Variants in TOP1 observed in about 807,000 individuals in gnomAD.
TOP1 encodes DNA topoisomerase I, also known as DNA topoisomerase 1.
A neutral mutation model predicts 111.1 loss-of-function variants in TOP1; 10 were observed. The ratio of observed to expected loss-of-function variants is 0.09; its 90% confidence interval spans 0.06 to 0.15. The LOEUF is 0.15. TOP1 is among the 10% of genes least tolerant of loss of function. The probability of loss-of-function intolerance (pLI) is 1.00; values close to 1 mark genes in which losing one functional copy is unlikely to be tolerated. For missense variants in TOP1, 474 were observed against 926.7 expected, an observed-to-expected ratio of 0.51 and a Z score of 6.34; for synonymous variants, 271 against 302.9, an observed-to-expected ratio of 0.89 and a Z score of 1.10.
chr20:41,033,388 C>CAA (rs2033145988), intron 2 of TOP1, among the ~76,000 whole-genome samples: 2 of 149,276 alleles, frequency 1.3e-5, no homozygotes, highest in African/African-American at 4.9e-5. Context: ...CTGACTTTTT[C>CAA]CCCTTGCTGT....
At chr20:41,052,062 A>C (rs765982687) in intron 2 of TOP1, among the ~76,000 whole-genome samples, 1 of 152,186 alleles carries the variant, frequency 6.6e-6, no homozygotes, top group Non-Finnish European at 1.5e-5. Flanking sequence ...AAGATAAGCA[A>C]ATTTACTAAG....
intron 2 of TOP1, among the ~76,000 whole-genome samples, chr20:41,039,765 G>A (rs2033237182): frequency 1.3e-5 from 2 of 152,074 alleles, no homozygotes; most frequent in African/African-American, 2.4e-5. Flanking sequence ...AAAACTAGCC[G>A]GGCGTGGTGG....
In TOP1 at chr20:41,122,818, T is replaced by G. The variant is rs552224985; in HGVS notation, c.2196-377T>G. On this transcript the variant is annotated intron_variant, in intron 20 of 20. Transcript: ENST00000361337. This position sits in a 1 kb window ranked among gnomAD's most constrained non-coding sequence, Gnocchi z 5.4. Reference sequence around the variant, plus strand: ...TTTCTGCTCGTTTTGCCTTGTTTGGTGCTAGAGATTTGGTTAGCTCTTAAA... The same window carrying G: ...TTTCTGCTCGTTTTGCCTTGTTTGGGGCTAGAGATTTGGTTAGCTCTTAAA... 6.6e-6 allele frequency among the ~76,000 whole-genome samples: 1 copy of G among 152,210 alleles called. No homozygotes were observed. Among genetic ancestry groups the G allele is most frequent in the South Asian group, 2.1e-4 (1 of 4,834 alleles).
At chr20:41,104,770 C>T (rs1334936744) in intron 13 of TOP1, among the ~76,000 whole-genome samples, 1 of 152,304 alleles carries the variant, frequency 6.6e-6, no homozygotes, top group Non-Finnish European at 1.5e-5. Context: ...GAAATGATTT[C>T]TTGAGCTTGC....
At position 41,030,149 on chromosome 20, in the gene TOP1, A is replaced by G. The variant is rs1384849920; in HGVS notation, c.58+694A>G. On this transcript the variant is annotated intron_variant, in intron 2 of 20. Coordinates refer to ENST00000361337, the MANE Select transcript of TOP1 (RefSeq NM_003286.4). This position sits in a 1 kb window ranked among gnomAD's most constrained non-coding sequence, Gnocchi z 4.1. ...AAGTTACGTTCTTTGCAAAGGTAGC[A>G]GTACCTCCCTAAAGAAAGTTTGCAA... is the stretch of plus-strand genomic sequence containing the variant. Among the ~76,000 whole-genome samples, 1 of 152,238 alleles carries G rather than the reference A, an allele frequency of 6.6e-6. No homozygotes were observed. Among genetic ancestry groups the G allele is most frequent in the Middle Eastern group, 3.4e-3 (1 of 294 alleles).
chr20:41,121,858 G>T lies in TOP1; in HGVS notation c.2045+68G>T. On this transcript the variant is annotated intron_variant, in intron 19 of 20. Coordinates refer to ENST00000361337, the MANE Select transcript of TOP1 (RefSeq NM_003286.4). This position sits in a 1 kb window ranked among gnomAD's most constrained non-coding sequence, Gnocchi z 4.2. The stretch of plus-strand genomic sequence containing the variant: ...GTGTGCAGCATCTGTCAGGGCCCCT[G>T]GGGCCCTGGCTTTTCGATGGTTTCT... 6.4e-7 allele frequency: 1 copy of T among 1,565,282 alleles called. No homozygotes were observed. Among genetic ancestry groups the T allele is most frequent in the Non-Finnish European group, 8.8e-7 (1 of 1,141,678 alleles).
At position 41,123,063 on chromosome 20, in the gene TOP1, C is replaced by CTTGG; in HGVS notation, c.2196-130_2196-127dup. 1.6e-6 allele frequency: 1 copy of CTTGG among 627,602 alleles called. No individual in the cohort carries two copies. The highest frequency in any genetic ancestry group is 2.0e-5 in the South Asian group (1 of 49,978). 38.9% of individuals were successfully genotyped at this position (627,602 alleles called of 1,614,324 possible). ...GATCACATAAAACCTTTAGAACATG[C>CTTGG]TTGGTGCACTATTAATTTGCATCCT... On this transcript the variant is annotated intron_variant, in intron 20 of 20. Coordinates refer to ENST00000361337, the MANE Select transcript of TOP1 (RefSeq NM_003286.4). The surrounding 1 kb of genome is among the most constrained non-coding windows in gnomAD (Gnocchi z 5.8).
intron 5 of TOP1, among the ~76,000 whole-genome samples, chr20:41,077,897 G>T (rs1275403839): frequency 6.6e-6 from 1 of 150,938 alleles, no homozygotes; most frequent in East Asian, 1.9e-4. Context: ...TAAAAATTGA[G>T]ATTTGACTTG....
At chr20:41,059,031 A>AC (rs2033509944) in intron 2 of TOP1, among the ~76,000 whole-genome samples, 1 of 152,132 alleles carries the variant, frequency 6.6e-6, no homozygotes, top group Admixed American at 6.5e-5. Flanking sequence ...CATGGATGGA[A>AC]CTAGAGGCCA....
At position 41,071,560 on chromosome 20, in the gene TOP1, G is replaced by A. The variant is rs754882430; in HGVS notation, c.156-4611G>A. ...GGGTTTCACTGTGTTGCCCAGGCTG[G>A]TCTCGAACTCCTGACCTCAGGTGAT... On this transcript the variant is annotated intron_variant, in intron 3 of 20. Transcript: ENST00000361337. The surrounding 1 kb of genome is among the most constrained non-coding windows in gnomAD (Gnocchi z 4.3). Among the ~76,000 whole-genome samples the A allele has an allele frequency of 5.3e-5, 8 of 152,006 alleles. No homozygotes were observed. The highest frequency in any genetic ancestry group is 2.1e-4 in the South Asian group (1 of 4,828).
chr20:41,089,144 C>T (rs1429702771), intron 8 of TOP1, among the ~76,000 whole-genome samples: 1 of 151,246 alleles, frequency 6.6e-6, no homozygotes, highest in Non-Finnish European at 1.5e-5. Flanking sequence ...CCTGCCTCAG[C>T]CTCCCAAGTA....
At position 41,094,277 on chromosome 20, in the gene TOP1, T is replaced by C. The variant is rs1481370718; in HGVS notation, c.730+1690T>C. ...ACAGTTCTTTCAGCCCTCACGCTGG[T>C]CATTCCTGGAGACTCTTAACTATAA... On this transcript the variant is annotated intron_variant, in intron 9 of 20. Coordinates refer to ENST00000361337, the MANE Select transcript of TOP1 (RefSeq NM_003286.4). This position sits in a 1 kb window ranked among gnomAD's most constrained non-coding sequence, Gnocchi z 4.4. 6.6e-6 allele frequency among the ~76,000 whole-genome samples: 1 copy of C among 152,124 alleles called. No homozygotes were observed. The highest frequency in any genetic ancestry group is 1.5e-5 in the Non-Finnish European group (1 of 68,024).
Position 41,101,116 on chromosome 20 carries a change from A to T in TOP1, c.1164-93A>T. 1 of 1,405,248 alleles carries T rather than the reference A, an allele frequency of 7.1e-7. No individual in the cohort carries two copies. The highest frequency in any genetic ancestry group is 9.9e-7 in the Non-Finnish European group (1 of 1,011,528). 87.0% of individuals were successfully genotyped at this position (1,405,248 alleles called of 1,614,324 possible). A position where few individuals can be genotyped will look rare whatever the true frequency, so the allele number is the denominator to read the frequency against. Reference sequence around the variant, plus strand: ...GACTGTTAAGAAGGAAACTTGGAAAATTATGCTCAGCAGATAGGTCCACTT... The same window carrying T: ...GACTGTTAAGAAGGAAACTTGGAAATTTATGCTCAGCAGATAGGTCCACTT... On this transcript the variant is annotated intron_variant, in intron 12 of 20. Transcript: ENST00000361337. This position sits in a 1 kb window ranked among gnomAD's most constrained non-coding sequence, Gnocchi z 4.1.
intron 8 of TOP1, among the ~76,000 whole-genome samples, chr20:41,089,675 A>G (rs2033894988): frequency 6.6e-6 from 1 of 152,180 alleles, no homozygotes; most frequent in Non-Finnish European, 1.5e-5. Flanking sequence ...TTGCTGGGTC[A>G]TGTGGCATTT....
Position 41,095,620 on chromosome 20 carries a change from C to A in TOP1, c.731-1600C>A, listed in dbSNP as rs1568695601. The stretch of plus-strand genomic sequence containing the variant: ...TGGGTTCTTTCTATTATAACTGTTT[C>A]AATATTGTGCTACAGTTCTCTACAC... On this transcript the variant is annotated intron_variant, in intron 9 of 20. Transcript: ENST00000361337. This position sits in a 1 kb window ranked among gnomAD's most constrained non-coding sequence, Gnocchi z 4.6. 6.6e-6 allele frequency among the ~76,000 whole-genome samples: 1 copy of A among 152,030 alleles called. No homozygotes were observed. Among genetic ancestry groups the A allele is most frequent in the East Asian group, 1.9e-4 (1 of 5,190 alleles).
rs199749489 is a variant in TOP1 at position 41,096,120 on chromosome 20, G to GC, written c.731-1099dup. Among the ~76,000 whole-genome samples, 545 of 152,284 alleles carry GC rather than the reference G, an allele frequency of 3.6e-3. 3 individuals are homozygous for GC. The highest frequency in any genetic ancestry group is 0.013 in the African/African-American group (523 of 41,566). On this transcript the variant is annotated intron_variant, in intron 9 of 20. Transcript: ENST00000361337. Reference sequence around the variant, plus strand: ...CTCAGTCTGTTGCCCAGGCTGAAGTGCAGTGGCGTGATCTTGGCTCACTGC... The same window carrying GC: ...CTCAGTCTGTTGCCCAGGCTGAAGTGCCAGTGGCGTGATCTTGGCTCACTGC...
chr20:41,055,045 T>C (rs1464533391), intron 2 of TOP1, among the ~76,000 whole-genome samples: 1 of 152,130 alleles, frequency 6.6e-6, no homozygotes, highest in Non-Finnish European at 1.5e-5. Flanking sequence ...CCTTAGGGAG[T>C]AACTCCAGTT....
At position 41,122,858 on chromosome 20, in the gene TOP1, A is replaced by C. The variant is rs2034444092; in HGVS notation, c.2196-337A>C. Reference sequence around the variant, plus strand: ...TAGCTCTTAAAAGGCAATATAGTATAGTGGTTAAGAACATGGAGAAAAACT... The same window carrying C: ...TAGCTCTTAAAAGGCAATATAGTATCGTGGTTAAGAACATGGAGAAAAACT... On this transcript the variant is annotated intron_variant, in intron 20 of 20. Coordinates refer to ENST00000361337, the MANE Select transcript of TOP1 (RefSeq NM_003286.4). The surrounding 1 kb of genome is among the most constrained non-coding windows in gnomAD (Gnocchi z 5.4). Among the ~76,000 whole-genome samples, 1 of 152,198 alleles carries C rather than the reference A, an allele frequency of 6.6e-6. No individual in the cohort carries two copies. The highest frequency in any genetic ancestry group is 1.5e-5 in the Non-Finnish European group (1 of 68,042).
intron 2 of TOP1, among the ~76,000 whole-genome samples, chr20:41,035,089 G>A (rs1455127699): frequency 6.6e-6 from 1 of 151,936 alleles, no homozygotes; most frequent in African/African-American, 2.4e-5. Context: ...GAGGTTTCTC[G>A]CCATGTTGCC....
Sources: gnomAD v4.1 joint callset for allele counts (sites outside exome capture counted in the v4.1 genomes callset) on GRCh38, gnomAD v4.1.1 for gene constraint, Gnocchi (gnomAD v3.1) non-coding constraint, MANE v1.5 for transcripts, NCBI Gene and HGNC (gene_info 2026-07-23, HGNC 2026-07-21) for gene names.